PHACTR1: variants seen among roughly 807,000 people sequenced by gnomAD.
The protein encoded by PHACTR1 is phosphatase and actin regulator 1.
A neutral mutation model predicts 69.2 loss-of-function variants in PHACTR1; 16 were observed. The observed-to-expected ratio is 0.23, with a 90% CI of 0.16 to 0.35. PHACTR1 has a LOEUF of 0.35. PHACTR1 is among the 10% of genes least tolerant of loss of function. The probability of loss-of-function intolerance (pLI) is 1.00; values close to 1 mark genes in which losing one functional copy is unlikely to be tolerated. For synonymous variants in PHACTR1, 312 were observed against 284.5 expected, an observed-to-expected ratio of 1.10 and a Z score of -0.97; for missense variants, 510 against 734.7, an observed-to-expected ratio of 0.69 and a Z score of 3.54.
chr6:13,055,200 G>T (rs928941244), intron 5 of PHACTR1, among the ~76,000 whole-genome samples: 2 of 152,144 alleles, frequency 1.3e-5, no homozygotes, highest in African/African-American at 4.8e-5. Flanking sequence ...AGATAAGAAT[G>T]AATCTCTGAA....
At chr6:13,206,400 C>G (rs189143998) in intron 8 of PHACTR1, among the ~76,000 whole-genome samples, 6 of 152,300 alleles carry the variant, frequency 3.9e-5, no homozygotes, top group Admixed American at 1.3e-4. Flanking sequence ...TATATACACA[C>G]AGTCCTCAGT....
At chr6:12,882,482 AAAG>A (rs542138829) in intron 4 of PHACTR1, among the ~76,000 whole-genome samples, 109 of 152,322 alleles carry the variant, frequency 7.2e-4, no homozygotes, top group African/African-American at 2.4e-3. Flanking sequence ...AATACAAAAA[AAAG>A]AAGAAGAAGA....
intron 4 of PHACTR1, among the ~76,000 whole-genome samples, chr6:12,897,702 TTATTATTA>T: frequency 9.4e-5 from 1 of 10,616 alleles, no homozygotes; most frequent in Non-Finnish European, 1.8e-4. Context: ...TAATCTTTTA[TTATTATTA>T]TTATTATTAT....
chr6:12,762,539 C>G (rs1165692941), intron 4 of PHACTR1, among the ~76,000 whole-genome samples: 1 of 152,056 alleles, frequency 6.6e-6, no homozygotes. Flanking sequence ...TGTAAAATGC[C>G]TGAGGTAGTT....
chr6:13,149,274 C>T (rs776880317), intron 5 of PHACTR1, among the ~76,000 whole-genome samples: 9 of 152,228 alleles, frequency 5.9e-5, no homozygotes, highest in South Asian at 2.1e-4. Context: ...TGGGGAGGAA[C>T]GGTGAAACTG....
intron 4 of PHACTR1, among the ~76,000 whole-genome samples, chr6:13,009,154 T>C (rs1799164004): frequency 6.6e-6 from 1 of 152,186 alleles, no homozygotes; most frequent in Non-Finnish European, 1.5e-5. Flanking sequence ...TCTCACTGGA[T>C]TTAGAACCCA....
chr6:13,168,974 A>C (rs1760218383), intron 6 of PHACTR1, among the ~76,000 whole-genome samples: 1 of 152,174 alleles, frequency 6.6e-6, no homozygotes, highest in Admixed American at 6.5e-5. Context: ...GCCTGCAGGG[A>C]GACTGACTTG....
chr6:13,077,446 G>T (rs1810694047), intron 5 of PHACTR1, among the ~76,000 whole-genome samples: 1 of 152,202 alleles, frequency 6.6e-6, no homozygotes, highest in Admixed American at 6.5e-5. Context: ...GCAGAATTAG[G>T]GGAGAGGATA....
At chr6:13,161,577 T>G (rs1039218950) in intron 6 of PHACTR1, among the ~76,000 whole-genome samples, 3 of 152,188 alleles carry the variant, frequency 2.0e-5, no homozygotes, top group Admixed American at 6.5e-5. Flanking sequence ...AGTGGTCCTG[T>G]AATCTGCCGA....
At chr6:13,005,803 T>C (rs1798714521) in intron 4 of PHACTR1, among the ~76,000 whole-genome samples, 1 of 152,194 alleles carries the variant, frequency 6.6e-6, no homozygotes, top group Non-Finnish European at 1.5e-5. Flanking sequence ...AATACACCAG[T>C]GACATCCACT....
intron 4 of PHACTR1, among the ~76,000 whole-genome samples, chr6:12,848,898 T>G (rs1189132525): frequency 3.9e-5 from 6 of 152,036 alleles, no homozygotes; most frequent in African/African-American, 1.2e-4. Flanking sequence ...TTAGAACCAC[T>G]AAAATGCCAA....
intron 4 of PHACTR1, among the ~76,000 whole-genome samples, chr6:13,012,371 T>C (rs180779557): frequency 1.5e-4 from 23 of 152,340 alleles, no homozygotes; most frequent in Non-Finnish European, 2.6e-4. Flanking sequence ...CTGCCTTTTG[T>C]GGAAGAGGCA....
intron 4 of PHACTR1, among the ~76,000 whole-genome samples, chr6:12,918,752 A>G (rs149527517): frequency 1.3e-5 from 2 of 152,222 alleles, no homozygotes; most frequent in African/African-American, 4.8e-5. Flanking sequence ...GATAGAATCA[A>G]AAAGCACAAT....
chr6:13,207,048 T>TAC (rs139552506), intron 8 of PHACTR1, among the ~76,000 whole-genome samples: 6 of 151,944 alleles, frequency 3.9e-5, no homozygotes, highest in Admixed American at 1.3e-4. Flanking sequence ...CATACACATG[T>TAC]ACACACACAC....
At chr6:12,941,994 A>T (rs1171131944) in intron 4 of PHACTR1, among the ~76,000 whole-genome samples, 1 of 152,214 alleles carries the variant, frequency 6.6e-6, no homozygotes. Context: ...CACTTTGAGC[A>T]GGAGATAAAT....
At chr6:13,183,487 C>G (rs188267714) in intron 7 of PHACTR1, among the ~76,000 whole-genome samples, 9 of 152,130 alleles carry the variant, frequency 5.9e-5, no homozygotes, top group Non-Finnish European at 7.3e-5. Flanking sequence ...TCCCATGCTT[C>G]GTTATGGGAC....
At chr6:12,932,516 T>C (rs1252166656) in intron 4 of PHACTR1, among the ~76,000 whole-genome samples, 2 of 152,236 alleles carry the variant, frequency 1.3e-5, no homozygotes, top group Non-Finnish European at 2.9e-5. Flanking sequence ...AGTCTACTTA[T>C]TCTTGAATAA....
intron 5 of PHACTR1, among the ~76,000 whole-genome samples, chr6:13,056,450 G>A (rs1331635760): frequency 3.3e-5 from 5 of 152,288 alleles, no homozygotes; most frequent in Non-Finnish European, 7.4e-5. Flanking sequence ...TCATATCTAA[G>A]TAAATATACA....
At chr6:13,052,118 TC>T (rs1349631424) in intron 4 of PHACTR1, among the ~76,000 whole-genome samples, 1 of 152,212 alleles carries the variant, frequency 6.6e-6, no homozygotes, top group African/African-American at 2.4e-5. Context: ...GTCACTAAGT[TC>T]TTTTGACTTT....
Sources: allele counts gnomAD v4.1 joint callset (sites outside exome capture counted in the v4.1 genomes callset), GRCh38; gene constraint gnomAD v4.1.1; transcripts MANE v1.5; gene names NCBI Gene and HGNC (gene_info 2026-07-23, HGNC 2026-07-21).